Variants in ZNF33B observed in about 807,000 individuals in gnomAD.
The protein encoded by ZNF33B is zinc finger protein 11b (KOX 2).
Under a neutral mutation model 45.8 loss-of-function variants are expected in ZNF33B, and 29 were observed. The observed-to-expected ratio is 0.63, with a 90% CI of 0.47 to 0.86. The LOEUF is 0.86. Ranked by LOEUF, ZNF33B falls within the 40% of genes least tolerant of loss-of-function variation. The pLI is 0.00. For missense variants in ZNF33B, 831 were observed against 909.9 expected, an observed-to-expected ratio of 0.91 and a Z score of 1.12; for synonymous variants, 305 against 307.8, an observed-to-expected ratio of 0.99 and a Z score of 0.10.
chr10:42,584,023 C>G (rs1188609199), intron 1 of ZNF33B, among the ~76,000 whole-genome samples: 1 of 152,194 alleles, frequency 6.6e-6, no homozygotes, highest in Non-Finnish European at 1.5e-5. Context: ...TGCGCACAGG[C>G]CTCCCTCCAA....
Position 42,593,348 on chromosome 10 carries a change from G to T in ZNF33B, c.1602C>A (p.Phe534Leu), listed in dbSNP as rs1341651084. 1 of 1,613,718 alleles carries T rather than the reference G, an allele frequency of 6.2e-7. No homozygotes were observed. ...GTATTGTGAGGTCTGACTTCAAGCA[G>T]AAGGTTTTCCCACATTCATAACATT... ...PYECYECGKTFCLKSDLTIHQ... is the reference protein window; with the variant it reads ...PYECYECGKTLCLKSDLTIHQ... Residue 534 changes from phenylalanine to leucine, a missense_variant, in exon 5 of 5, where the codon TTC becomes TTA. By Grantham distance (22) the Phe-to-Leu change is conservative. Coordinates refer to ENST00000359467, the MANE Select transcript of ZNF33B (RefSeq NM_006955.3).
downstream of ZNF33B, among the ~76,000 whole-genome samples, chr10:42,584,911 T>A (rs1303577888): frequency 6.6e-6 from 1 of 152,200 alleles, no homozygotes; most frequent in Non-Finnish European, 1.5e-5. Context: ...GAACCCTCCA[T>A]GGCCTGCAGC....
At chr10:42,574,385 T>A (rs1051294412) in exon 2 of ZNF33B, 1 of 152,118 alleles carries the variant, frequency 6.6e-6, no homozygotes, top group Non-Finnish European at 1.5e-5. Flanking sequence ...TTTTGGGGGT[T>A]GTTTTCAAAG....
chr10:42,630,909 C>A (rs1024426397), intron 4 of ZNF33B, among the ~76,000 whole-genome samples: 2 of 152,182 alleles, frequency 1.3e-5, no homozygotes, highest in African/African-American at 4.8e-5. Flanking sequence ...CAAGCCCTCC[C>A]TTCAGCCACT....
At chr10:42,581,300 C>A (rs1836819317) in intron 1 of ZNF33B, among the ~76,000 whole-genome samples, 1 of 151,700 alleles carries the variant, frequency 6.6e-6, no homozygotes, top group African/African-American at 2.4e-5. Flanking sequence ...AACCTCGTTA[C>A]TAAAAATACA....
intron 4 of ZNF33B, among the ~76,000 whole-genome samples, chr10:42,606,005 G>A (rs532792161): frequency 6.6e-6 from 1 of 152,166 alleles, no homozygotes; most frequent in East Asian, 1.9e-4. Flanking sequence ...GGCTGAGGTG[G>A]GAGTATTGTT....
At chr10:42,616,222 A>G (rs209379) in intron 4 of ZNF33B, among the ~76,000 whole-genome samples, 27,664 of 151,896 alleles carry the variant, frequency 0.18, 3,968 homozygotes, top group African/African-American at 0.39. Flanking sequence ...GACAGAGTGA[A>G]ACTCCATATT....
intron 4 of ZNF33B, among the ~76,000 whole-genome samples, chr10:42,595,175 A>AGGC (rs1837347373): frequency 2.6e-5 from 4 of 152,228 alleles, no homozygotes; most frequent in Admixed American, 2.6e-4. Context: ...ATGCCTACAA[A>AGGC]GAGAGTCAGC....
chr10:42,617,574 A>G (rs1212039428), intron 4 of ZNF33B, among the ~76,000 whole-genome samples: 2 of 152,186 alleles, frequency 1.3e-5, no homozygotes, highest in African/African-American at 4.8e-5. Context: ...CAAGTTTCAC[A>G]TGCATTAGTT....
intron 4 of ZNF33B, among the ~76,000 whole-genome samples, chr10:42,630,518 A>G (rs1564527294): frequency 6.6e-6 from 1 of 152,220 alleles, no homozygotes; most frequent in Admixed American, 6.5e-5. Context: ...AGGACCAGCC[A>G]TTACTTCTTC....
At chr10:42,575,348 G>T (rs1490704134) in intron 1 of ZNF33B, among the ~76,000 whole-genome samples, 1 of 152,132 alleles carries the variant, frequency 6.6e-6, no homozygotes, top group South Asian at 2.1e-4. Context: ...CAGCAGGAAA[G>T]AAATGAGAAA....
At chr10:42,584,661 C>T (rs1836894188), downstream of ZNF33B, among the ~76,000 whole-genome samples, 1 of 152,158 alleles carries the variant, frequency 6.6e-6, no homozygotes, top group African/African-American at 2.4e-5. Context: ...GCTGGGATTA[C>T]AGGCACCCAC....
chr10:42,622,256 T>C (rs1838623678), intron 4 of ZNF33B, among the ~76,000 whole-genome samples: 1 of 152,178 alleles, frequency 6.6e-6, no homozygotes, highest in African/African-American at 2.4e-5. Flanking sequence ...AAAAGGCTAA[T>C]ACCATCCAAA....
chr10:42,586,309 A>G (rs1416119687), downstream of ZNF33B, among the ~76,000 whole-genome samples: 1 of 151,822 alleles, frequency 6.6e-6, no homozygotes, highest in East Asian at 1.9e-4. Context: ...GCCTGCCACC[A>G]CGCCTGGCTT....
chr10:42,584,239 T>C (rs1231070473), downstream of ZNF33B, among the ~76,000 whole-genome samples: 7 of 152,156 alleles, frequency 4.6e-5, no homozygotes, highest in Non-Finnish European at 8.8e-5. Context: ...CTGGAATGTG[T>C]ACCAAGGAAA....
rs1315210972 is a variant in ZNF33B, at chr10:42,591,719, T to A, written c.*894A>T. On this transcript the variant is annotated 3_prime_UTR_variant, in exon 5 of 5. Transcript: ENST00000359467. ...GCTGTTGCCCTGATTATTCAATTTA[T>A]CTATGCTTTACAAAAAGCTTCATAG... 2 of 266,720 alleles carry A rather than the reference T, an allele frequency of 7.5e-6. No homozygotes were observed. The highest frequency in any genetic ancestry group is 1.2e-5 in the Non-Finnish European group (2 of 172,952). The allele number at this position is 266,720 out of a possible 1,614,324, so 16.5% of individuals were successfully genotyped here. A position where few individuals can be genotyped will look rare whatever the true frequency, so the allele number is the denominator to read the frequency against.
chr10:42,587,387 G>A (rs1448628818), downstream of ZNF33B, among the ~76,000 whole-genome samples: 1 of 152,032 alleles, frequency 6.6e-6, no homozygotes, highest in Non-Finnish European at 1.5e-5. Context: ...AGTAGAGACG[G>A]GGTTTCACCA....
chr10:42,615,873 C>G (rs1335587594), intron 4 of ZNF33B, among the ~76,000 whole-genome samples: 1 of 151,328 alleles, frequency 6.6e-6, no homozygotes, highest in Admixed American at 6.6e-5. Flanking sequence ...TGCAGTGAGC[C>G]GAGATCACGC....
intron 4 of ZNF33B, among the ~76,000 whole-genome samples, chr10:42,619,774 G>T (rs1219048725): frequency 6.6e-6 from 1 of 152,134 alleles, no homozygotes; most frequent in Non-Finnish European, 1.5e-5. Flanking sequence ...ATATGATATT[G>T]AAGTTATGAG....
Sources: gnomAD v4.1 joint callset for allele counts (sites outside exome capture counted in the v4.1 genomes callset) on GRCh38, gnomAD v4.1.1 for gene constraint, MANE v1.5 for transcripts, NCBI Gene and HGNC (gene_info 2026-07-23, HGNC 2026-07-21) for gene names.